Variants in NR1H4 observed in about 807,000 individuals in gnomAD.
The protein encoded by NR1H4 is bile acid receptor.
Under a neutral mutation model 58.5 loss-of-function variants are expected in NR1H4, and 23 were observed. That is an observed-to-expected ratio of 0.39 (90% CI 0.28 to 0.56). The LOEUF (loss-of-function observed/expected upper bound fraction) is 0.56, where lower values mean the gene tolerates loss of function less well. NR1H4 is among the 20% of genes least tolerant of loss of function. NR1H4 has a pLI of 0.58. For synonymous variants in NR1H4, 214 were observed against 198.0 expected (o/e 1.08, Z -0.68); for missense variants, 487 against 576.9 (o/e 0.84, Z 1.60).
intron 8 of NR1H4, among the ~76,000 whole-genome samples, chr12:100,539,373 A>C (rs1472437467): frequency 6.6e-6 from 1 of 152,200 alleles, no homozygotes; most frequent in Non-Finnish European, 1.5e-5. Context: ...TTCAGTATTC[A>C]TTGAGCACAA....
chr12:100,564,002 T>C lies in NR1H4; in HGVS notation c.*513T>C, dbSNP rs1955528842. 6.4e-6 allele frequency: 1 copy of C among 155,514 alleles called. No homozygotes were observed. The highest frequency in any genetic ancestry group is 1.9e-4 in the East Asian group (1 of 5,324). 9.6% of individuals were successfully genotyped at this position (155,514 alleles called of 1,614,324 possible). A position where few individuals can be genotyped will look rare whatever the true frequency, so the allele number is the denominator to read the frequency against. ...ACTTTTGTCATCTCTGGAAAAGTCCTGGTGAATAGTCATTCATTTGTAATA... is the reference window on the plus strand; with the variant it reads ...ACTTTTGTCATCTCTGGAAAAGTCCCGGTGAATAGTCATTCATTTGTAATA... On this transcript the variant is annotated 3_prime_UTR_variant, in exon 11 of 11. Transcript: ENST00000392986.
At chr12:100,487,097 A>C (rs1593040679) in intron 1 of NR1H4, among the ~76,000 whole-genome samples, 1 of 152,184 alleles carries the variant, frequency 6.6e-6, no homozygotes, top group African/African-American at 2.4e-5. Context: ...TTTTTAAATT[A>C]CTGCTAATCA....
chr12:100,512,136 G>A (rs1005829941), intron 4 of NR1H4, among the ~76,000 whole-genome samples: 4 of 152,060 alleles, frequency 2.6e-5, no homozygotes, highest in African/African-American at 4.8e-5. Context: ...GGGAGGCAGA[G>A]GTGGGAGGAT....
At chr12:100,529,560 C>T (rs1183753832) in intron 4 of NR1H4, among the ~76,000 whole-genome samples, 1 of 152,170 alleles carries the variant, frequency 6.6e-6, no homozygotes, top group Admixed American at 6.5e-5. Flanking sequence ...TAATTCTCTC[C>T]ATACTCTACC....
At chr12:100,474,334 C>G (rs1420628537) in intron 1 of NR1H4, among the ~76,000 whole-genome samples, 1 of 152,202 alleles carries the variant, frequency 6.6e-6, no homozygotes, top group East Asian at 1.9e-4. Context: ...GAGTAAATCA[C>G]TGGAGATAGT....
chr12:100,550,709 A>C (rs996469182), intron 9 of NR1H4, among the ~76,000 whole-genome samples: 1 of 151,148 alleles, frequency 6.6e-6, no homozygotes, highest in Non-Finnish European at 1.5e-5. Flanking sequence ...ATAACCTCTC[A>C]GAGATCAAAG....
intron 4 of NR1H4, among the ~76,000 whole-genome samples, chr12:100,527,577 T>C (rs931527847): frequency 6.6e-6 from 1 of 152,060 alleles, no homozygotes; most frequent in African/African-American, 2.4e-5. Flanking sequence ...CTTATCAAGG[T>C]TCACATCTAA....
At chr12:100,538,667 T>A (rs1176869564) in intron 8 of NR1H4, among the ~76,000 whole-genome samples, 1 of 152,206 alleles carries the variant, frequency 6.6e-6, no homozygotes, top group Non-Finnish European at 1.5e-5. Context: ...TATAGCAGCA[T>A]AATACTATAA....
At chr12:100,541,262 A>T (rs951774410) in intron 9 of NR1H4, among the ~76,000 whole-genome samples, 1 of 151,342 alleles carries the variant, frequency 6.6e-6, no homozygotes, top group Non-Finnish European at 1.5e-5. Context: ...TAGGTCTCAG[A>T]CACTTTTCTT....
chr12:100,537,575 G>A (rs750000008), intron 8 of NR1H4, among the ~76,000 whole-genome samples: 8 of 152,224 alleles, frequency 5.3e-5, no homozygotes, highest in Non-Finnish European at 8.8e-5. Flanking sequence ...AGAGGAACTG[G>A]TTGCTAATTG....
chr12:100,552,701 T>C (rs541461211), intron 9 of NR1H4, among the ~76,000 whole-genome samples: 7 of 152,242 alleles, frequency 4.6e-5, no homozygotes, highest in African/African-American at 1.7e-4. Flanking sequence ...GGTGGAAGGA[T>C]TGCTTAAGAC....
chr12:100,563,597 G>A lies in NR1H4; in HGVS notation c.*108G>A. The A allele has an allele frequency of 2.3e-6, 2 of 875,260 alleles. No individual in the cohort carries two copies. Among genetic ancestry groups the A allele is most frequent in the South Asian group, 2.8e-5 (2 of 71,902 alleles). 54.2% of individuals were successfully genotyped at this position (875,260 alleles called of 1,614,324 possible). A position where few individuals can be genotyped will look rare whatever the true frequency, so the allele number is the denominator to read the frequency against. On this transcript the variant is annotated 3_prime_UTR_variant, in exon 11 of 11. Transcript: ENST00000392986. Reference sequence around the variant, plus strand: ...CCAGTTTCACTCAAGAAATCTTGATGAATATTTATGTTGTAATTACATGTG... The same window carrying A: ...CCAGTTTCACTCAAGAAATCTTGATAAATATTTATGTTGTAATTACATGTG...
chr12:100,548,441 T>G (rs908911600), intron 9 of NR1H4, among the ~76,000 whole-genome samples: 4 of 151,938 alleles, frequency 2.6e-5, no homozygotes, highest in African/African-American at 9.7e-5. Context: ...CCCTAAACCT[T>G]CAGAACAGGC....
intron 9 of NR1H4, among the ~76,000 whole-genome samples, chr12:100,559,612 T>C (rs1955416810): frequency 6.6e-6 from 1 of 152,198 alleles, no homozygotes; most frequent in African/African-American, 2.4e-5. Context: ...CTTAGCTGCC[T>C]TCCCGAGGGG....
intron 3 of NR1H4, among the ~76,000 whole-genome samples, chr12:100,504,657 C>T (rs1158081459): frequency 6.6e-6 from 1 of 152,154 alleles, no homozygotes; most frequent in East Asian, 1.9e-4. Context: ...TTTATTACAG[C>T]CTCTCATGCA....
intron 9 of NR1H4, among the ~76,000 whole-genome samples, chr12:100,559,947 C>G (rs1340290359): frequency 6.6e-6 from 1 of 152,110 alleles, no homozygotes; most frequent in African/African-American, 2.4e-5. Flanking sequence ...GTGCACCAAT[C>G]GACACTGTAT....
chr12:100,497,612 GAC>G (rs1566434643), intron 3 of NR1H4, among the ~76,000 whole-genome samples: 1 of 152,124 alleles, frequency 6.6e-6, no homozygotes, highest in African/African-American at 2.4e-5. Context: ...GGGGTGGAAG[GAC>G]ACAGTTACCA....
chr12:100,542,083 C>T (rs919342264), intron 9 of NR1H4, among the ~76,000 whole-genome samples: 4 of 152,076 alleles, frequency 2.6e-5, no homozygotes, highest in African/African-American at 9.7e-5. Flanking sequence ...CAGTGGCTCA[C>T]GCCTATAATC....
chr12:100,561,972 T>C lies in NR1H4; in HGVS notation c.1166T>C (p.Leu389Pro). ...ATGACTCAAGAGGAGTATGCTCTGC[T>C]TACAGCAATTGTTATCCTGTCTCCA... Reference protein sequence around the residue: ...LKMTQEEYALLTAIVILSPDR... With the variant: ...LKMTQEEYALPTAIVILSPDR... Residue 389 changes from leucine to proline, a missense_variant, in exon 10 of 11, where the codon CTT becomes CCT. By Grantham distance (98) the Leu-to-Pro change is moderately conservative (BLOSUM62 -3). Coordinates refer to ENST00000392986, the MANE Select transcript of NR1H4 (RefSeq NM_001206979.2). The C allele has an allele frequency of 6.4e-7, 1 of 1,553,894 alleles. No individual in the cohort carries two copies. The highest frequency in any genetic ancestry group is 8.9e-7 in the Non-Finnish European group (1 of 1,125,444).
Sources: gnomAD v4.1 joint callset for allele counts (sites outside exome capture counted in the v4.1 genomes callset) on GRCh38, gnomAD v4.1.1 for gene constraint, MANE v1.5 for transcripts, NCBI Gene and HGNC (gene_info 2026-07-23, HGNC 2026-07-21) for gene names.